ROBO2: variants seen among roughly 807,000 people sequenced by gnomAD.
ROBO2 encodes roundabout guidance receptor 2, also known as roundabout homolog 2.
ROBO2 carries 53 observed loss-of-function variants against 160.8 expected under a neutral mutation model. The ratio of observed to expected loss-of-function variants is 0.33; its 90% confidence interval spans 0.26 to 0.41. The LOEUF is 0.41. ROBO2 is among the 10% of genes least tolerant of loss of function. The pLI, the probability that ROBO2 is intolerant of heterozygous loss-of-function variation, is 1.00. For synonymous variants in ROBO2, 664 were observed against 611.7 expected, an observed-to-expected ratio of 1.09 and a Z score of -1.26; for missense variants, 1,577 against 1,722.4, an observed-to-expected ratio of 0.92 and a Z score of 1.49.
intron 8 of ROBO2, among the ~76,000 whole-genome samples, chr3:77,555,489 C>A (rs552392367): frequency 3.3e-5 from 5 of 152,070 alleles, no homozygotes; most frequent in African/African-American, 1.2e-4. Flanking sequence ...ATAGATTAAG[C>A]TAATATGTTT....
intron 4 of ROBO2, among the ~76,000 whole-genome samples, chr3:77,483,175 C>T (rs2084909356): frequency 1.3e-5 from 2 of 152,152 alleles, no homozygotes; most frequent in South Asian, 4.1e-4. Context: ...CTAGTCAGAA[C>T]TGACCTGAGG....
intron 1 of ROBO2, chr3:77,091,987 A>G (rs910077367): frequency 7.8e-6 from 1 of 128,600 alleles, no homozygotes; most frequent in African/African-American, 4.1e-5. Flanking sequence ...CTCAAAATAA[A>G]TAAATAAATA....
intron 2 of ROBO2, among the ~76,000 whole-genome samples, chr3:77,446,542 G>C (rs923954295): frequency 6.6e-6 from 1 of 151,930 alleles, no homozygotes; most frequent in African/African-American, 2.4e-5. Context: ...ATCCCTTAAG[G>C]ATATAAGCAG....
chr3:76,851,805 A>T (rs73125468), intron 2 of ROBO2, among the ~76,000 whole-genome samples: 17,071 of 148,466 alleles, frequency 0.11, 1,179 homozygotes, highest in East Asian at 0.23. Flanking sequence ...TTAAGTGAAT[A>T]TTTCAACAGT....
At chr3:77,228,114 T>A (rs1398979455) in intron 2 of ROBO2, among the ~76,000 whole-genome samples, 4 of 152,180 alleles carry the variant, frequency 2.6e-5, no homozygotes, top group African/African-American at 9.7e-5. Context: ...TTCAGCAGTA[T>A]TTTTCTGTAT....
At chr3:76,326,779 C>A (rs1367956578) in intron 2 of ROBO2, among the ~76,000 whole-genome samples, 7 of 109,490 alleles carry the variant, frequency 6.4e-5, no homozygotes, top group South Asian at 4.0e-4. Flanking sequence ...CTCCCCCCAC[C>A]CCACAGCAGT....
At chr3:76,627,686 A>C (rs1399106260) in intron 2 of ROBO2, among the ~76,000 whole-genome samples, 2 of 131,660 alleles carry the variant, frequency 1.5e-5, no homozygotes, top group Non-Finnish European at 3.3e-5. Flanking sequence ...AAGGAAAAAA[A>C]GTGCAATGAA....
intron 2 of ROBO2, among the ~76,000 whole-genome samples, chr3:76,870,856 A>T (rs1381900564): frequency 3.9e-5 from 6 of 152,208 alleles, no homozygotes; most frequent in Admixed American, 2.6e-4. Flanking sequence ...GTTGAGAAAC[A>T]ACTGTGGTTT....
At chr3:76,695,690 T>G (rs1023176375) in intron 2 of ROBO2, among the ~76,000 whole-genome samples, 6 of 152,168 alleles carry the variant, frequency 3.9e-5, no homozygotes, top group Non-Finnish European at 7.4e-5. Context: ...ATGTTTTAAC[T>G]CACTTAGCTC....
chr3:76,722,883 G>A (rs1209347777), intron 2 of ROBO2, among the ~76,000 whole-genome samples: 8 of 152,212 alleles, frequency 5.3e-5, no homozygotes, highest in Middle Eastern at 3.4e-3. Flanking sequence ...TTTTGTCTAC[G>A]ATTAATAAAG....
intron 2 of ROBO2, among the ~76,000 whole-genome samples, chr3:76,651,588 T>C (rs1321075636): frequency 1.3e-5 from 2 of 151,854 alleles, no homozygotes; most frequent in Admixed American, 6.6e-5. Context: ...GCCCTACTGA[T>C]GCACTATTAT....
chr3:76,787,328 CCACACACACACACACACACA>C (rs60806662), intron 2 of ROBO2, among the ~76,000 whole-genome samples: 28 of 142,260 alleles, frequency 2.0e-4, no homozygotes, highest in Middle Eastern at 7.0e-3. Context: ...TGTAAACACA[CCACACACACACACACACACA>C]CACACACACA....
intron 2 of ROBO2, among the ~76,000 whole-genome samples, chr3:77,348,044 AC>A (rs2067867753): frequency 6.6e-6 from 1 of 151,836 alleles, no homozygotes; most frequent in Admixed American, 6.6e-5. Flanking sequence ...GATTTTATAC[AC>A]CTTTTTTTCC....
At chr3:76,091,848 A>T (rs1287446625) in intron 2 of ROBO2, among the ~76,000 whole-genome samples, 1 of 152,204 alleles carries the variant, frequency 6.6e-6, no homozygotes, top group African/African-American at 2.4e-5. Flanking sequence ...GTATAATTCC[A>T]ACTATATGAT....
chr3:76,206,132 A>G (rs1702792333), intron 2 of ROBO2, among the ~76,000 whole-genome samples: 1 of 146,846 alleles, frequency 6.8e-6, no homozygotes, highest in African/African-American at 2.5e-5. Context: ...TAGAGAGCTG[A>G]CCATCACCTG....
At chr3:76,282,233 G>A (rs1481677400) in intron 2 of ROBO2, among the ~76,000 whole-genome samples, 1 of 151,934 alleles carries the variant, frequency 6.6e-6, no homozygotes, top group Non-Finnish European at 1.5e-5. Context: ...TACCTTTTCT[G>A]TATTTTGTAA....
At chr3:76,627,706 G>A (rs2089749267) in intron 2 of ROBO2, among the ~76,000 whole-genome samples, 1 of 152,120 alleles carries the variant, frequency 6.6e-6, no homozygotes, top group Admixed American at 6.5e-5. Context: ...ACACTGAGAG[G>A]ATGTGTTTGG....
chr3:77,097,011 C>G (rs1471803036), intron 1 of ROBO2, among the ~76,000 whole-genome samples: 2 of 152,172 alleles, frequency 1.3e-5, no homozygotes, highest in Non-Finnish European at 1.5e-5. Context: ...ATTGATAATA[C>G]AGACTACAAG....
At chr3:75,969,881 A>G (rs2064942517) in intron 2 of ROBO2, among the ~76,000 whole-genome samples, 1 of 151,606 alleles carries the variant, frequency 6.6e-6, no homozygotes, top group South Asian at 2.1e-4. Context: ...GAAGCTTTTT[A>G]GTTTGATGCA....
Sources: gnomAD v4.1 joint callset for allele counts (sites outside exome capture counted in the v4.1 genomes callset) on GRCh38, gnomAD v4.1.1 for gene constraint, MANE v1.5 for transcripts, NCBI Gene and HGNC (gene_info 2026-07-23, HGNC 2026-07-21) for gene names.